The following ARAP2 variants were observed in gnomAD, a reference collection of about 807,000 sequenced individuals.
ARAP2 encodes arf-GAP with Rho-GAP domain, ANK repeat and PH domain-containing protein 2.
ARAP2 carries 148 observed loss-of-function variants against 194.5 expected under a neutral mutation model. The ratio of observed to expected loss-of-function variants is 0.76; its 90% CI spans 0.67 to 0.87. The LOEUF (loss-of-function observed/expected upper bound fraction) is 0.87, where lower values mean the gene tolerates loss of function less well. Among genes scored for constraint, ARAP2 ranks in the 40% least tolerant of loss-of-function variants. The pLI is 0.00. For missense variants in ARAP2, 2,128 were observed against 1,989.7 expected (o/e 1.07, Z -1.32); for synonymous variants, 695 against 683.5 (o/e 1.02, Z -0.26).
intron 26 of ARAP2, among the ~76,000 whole-genome samples, chr4:36,108,724 GT>G (rs1418883069): frequency 6.6e-6 from 1 of 151,938 alleles, no homozygotes; most frequent in African/African-American, 2.4e-5. Context: ...TCACAGAAAA[GT>G]TTTTGATGAT....
intron 19 of ARAP2, among the ~76,000 whole-genome samples, chr4:36,142,621 A>G (rs1376284329): frequency 6.6e-6 from 1 of 151,394 alleles, no homozygotes; most frequent in Non-Finnish European, 1.5e-5. Context: ...TGACATTTTT[A>G]ACTGATCCTT....
intron 31 of ARAP2, among the ~76,000 whole-genome samples, chr4:36,079,473 A>G (rs749575532): frequency 3.3e-5 from 5 of 152,190 alleles, no homozygotes; most frequent in Non-Finnish European, 7.3e-5. Flanking sequence ...TGGCAACTTA[A>G]TCGTTACCAG....
chr4:36,098,083 T>C (rs1468522672), intron 27 of ARAP2, among the ~76,000 whole-genome samples: 2 of 152,066 alleles, frequency 1.3e-5, no homozygotes, highest in Non-Finnish European at 2.9e-5. Context: ...TCTAAGCCAT[T>C]TGAAAATCTC....
chr4:36,230,734 C>T (rs1455363841), intron 1 of ARAP2, among the ~76,000 whole-genome samples: 2 of 152,096 alleles, frequency 1.3e-5, no homozygotes, highest in Non-Finnish European at 2.9e-5. Flanking sequence ...ATGAGACACA[C>T]CCAAACAAGG....
At chr4:36,142,314 T>A (rs1728539892) in intron 19 of ARAP2, among the ~76,000 whole-genome samples, 1 of 151,678 alleles carries the variant, frequency 6.6e-6, no homozygotes, top group East Asian at 1.9e-4. Context: ...CTCTCCCATT[T>A]TCTGTTTCTT....
chr4:36,036,187 A>T (rs1204292306), intron 5 of ARAP2, among the ~76,000 whole-genome samples: 1 of 152,164 alleles, frequency 6.6e-6, no homozygotes, highest in Non-Finnish European at 1.5e-5. Context: ...ATACACATGC[A>T]GACTCACACA....
Position 36,129,105 on chromosome 4 carries a change from G to T in ARAP2, c.3428-360C>A, listed in dbSNP as rs932268132. ...TCACTGACAAAAGTGAGGCTCTCTG[G>T]TATAAATGTCATCAACCACCTGCCC... is the stretch of plus-strand genomic sequence containing the variant. On this transcript the variant is annotated intron_variant, in intron 20 of 32. Coordinates refer to ENST00000303965, the MANE Select transcript of ARAP2 (RefSeq NM_015230.4). Among the ~76,000 whole-genome samples the T allele has an allele frequency of 2.0e-5, 3 of 151,832 alleles. No individual in the cohort carries two copies. In the East Asian group the frequency reaches 5.8e-4, roughly 30 times the overall value.
chr4:36,152,639 C>A (rs924799056), intron 15 of ARAP2, among the ~76,000 whole-genome samples: 6 of 149,824 alleles, frequency 4.0e-5, no homozygotes, highest in African/African-American at 1.5e-4. Flanking sequence ...TAGAAGCATT[C>A]AAGGAGGTAA....
At chr4:36,089,503 C>G (rs1712940169) in intron 28 of ARAP2, among the ~76,000 whole-genome samples, 1 of 152,094 alleles carries the variant, frequency 6.6e-6, no homozygotes, top group Admixed American at 6.6e-5. Flanking sequence ...CATTTAAAAA[C>G]TGACAAACAG....
intron 27 of ARAP2, among the ~76,000 whole-genome samples, chr4:36,101,125 C>A (rs979642642): frequency 4.6e-5 from 7 of 151,960 alleles, no homozygotes; most frequent in South Asian, 2.1e-4. Flanking sequence ...GAAGGATGTG[C>A]GTAGATTACA....
chr4:36,054,874 T>G (rs1031334306), intron 2 of ARAP2, among the ~76,000 whole-genome samples: 1 of 152,198 alleles, frequency 6.6e-6, no homozygotes, highest in African/African-American at 2.4e-5. Context: ...GATCCCCTGA[T>G]AGTCTGTAGT....
In ARAP2 at chr4:36,086,977, T is replaced by C. The variant is rs114269463; in HGVS notation, c.4426-3527A>G. On this transcript the variant is annotated intron_variant, in intron 28 of 32. Transcript: ENST00000303965. ...TTTGTTTTTAATGAGCATTCATAAA[T>C]TATCTCTAATTAACACAAAGTCGCT... Among the ~76,000 whole-genome samples, 1,149 of 152,218 alleles carry C rather than the reference T, an allele frequency of 7.5e-3. 16 individuals are homozygous for C. Among genetic ancestry groups the C allele is most frequent in the African/African-American group, 0.026 (1,090 of 41,552 alleles).
intron 15 of ARAP2, among the ~76,000 whole-genome samples, chr4:36,158,409 A>T (rs1028756845): frequency 2.0e-5 from 3 of 152,160 alleles, no homozygotes; most frequent in Non-Finnish European, 4.4e-5. Context: ...TTATCTGGTG[A>T]GCCAGTTGGG....
chr4:36,212,273 A>G, intron 5 of ARAP2, 123 bp downstream of exon 5: 1 of 740,878 alleles, frequency 1.3e-6, no homozygotes, highest in Non-Finnish European at 2.1e-6. Flanking sequence ...TAGAGAGGAA[A>G]AAATTGAACT....
intron 1 of ARAP2, among the ~76,000 whole-genome samples, chr4:36,233,326 A>G (rs1751864479): frequency 1.3e-5 from 2 of 152,156 alleles, no homozygotes; most frequent in African/African-American, 4.8e-5. Context: ...CACAGTCTAG[A>G]TCAGTGACCC....
intron 5 of ARAP2, among the ~76,000 whole-genome samples, chr4:36,023,480 T>A (rs1717363393): frequency 6.6e-6 from 1 of 152,100 alleles, no homozygotes; most frequent in Admixed American, 6.6e-5. Flanking sequence ...GTTGGGAACA[T>A]CCGTAGGAAA....
intron 31 of ARAP2, among the ~76,000 whole-genome samples, chr4:36,075,991 T>C (rs1427786970): frequency 6.6e-6 from 1 of 152,168 alleles, no homozygotes; most frequent in African/African-American, 2.4e-5. Context: ...GCGTCACATG[T>C]GGTGATCTCA....
At chr4:36,201,694 T>A (rs1214015747) in intron 6 of ARAP2, among the ~76,000 whole-genome samples, 2 of 152,176 alleles carry the variant, frequency 1.3e-5, no homozygotes, top group African/African-American at 4.8e-5. Flanking sequence ...TTAAAAATTA[T>A]TTTTTAACAA....
intron 1 of ARAP2, 57 bp from the exon 2 acceptor site, chr4:36,229,702 T>C: frequency 5.2e-6 from 2 of 386,032 alleles, no homozygotes; most frequent in South Asian, 6.2e-5. Context: ...AATCTACTTT[T>C]ATATACTTTC....
Sources: gnomAD v4.1 joint callset for allele counts (sites outside exome capture counted in the v4.1 genomes callset) on GRCh38, gnomAD v4.1.1 for gene constraint, MANE v1.5 for transcripts, NCBI Gene and HGNC (gene_info 2026-07-23, HGNC 2026-07-21) for gene names.